Variants in ALKAL1 observed in about 807,000 individuals in gnomAD.
ALKAL1 encodes AUG-beta.
ALKAL1 carries 23 observed loss-of-function variants against 13.5 expected under a neutral mutation model. That is an observed-to-expected ratio of 1.70 (90% CI 1.23 to 2.41). The LOEUF is 2.41. Among genes scored for constraint, ALKAL1 ranks in the 30% most tolerant of loss-of-function variants. ALKAL1 has a pLI of 0.00. For synonymous variants in ALKAL1, 85 were observed against 77.7 expected, an observed-to-expected ratio of 1.09 and a Z score of -0.49; for missense variants, 181 against 178.4, an observed-to-expected ratio of 1.01 and a Z score of -0.08.
At chr8:52,541,203 C>T (rs1272353022) in intron 2 of ALKAL1, among the ~76,000 whole-genome samples, 2 of 152,124 alleles carry the variant, frequency 1.3e-5, no homozygotes, top group Non-Finnish European at 2.9e-5. Flanking sequence ...GGGCCTGGTG[C>T]AGTGGCTCAC....
chr8:52,538,543 G>A (rs1437158510), intron 3 of ALKAL1, 36 bp from the exon 4 acceptor site: 1 of 1,369,468 alleles, frequency 7.3e-7, no homozygotes, highest in Non-Finnish European at 1.0e-6. Context: ...TATATATAGA[G>A]TTACTAGAAA....
intron 1 of ALKAL1, among the ~76,000 whole-genome samples, chr8:52,557,813 A>C (rs768794687): frequency 1.3e-5 from 2 of 150,754 alleles, no homozygotes; most frequent in Admixed American, 6.6e-5. Context: ...AGCGAAACCC[A>C]TCTCTACTAA....
chr8:52,544,101 C>G (rs2150344663), intron 1 of ALKAL1, among the ~76,000 whole-genome samples: 1 of 152,060 alleles, frequency 6.6e-6, no homozygotes, highest in African/African-American at 2.4e-5. Context: ...GCGGTCTTGT[C>G]CCCCTGTACA....
At chr8:52,547,951 G>A (rs939853608) in intron 1 of ALKAL1, among the ~76,000 whole-genome samples, 4 of 152,078 alleles carry the variant, frequency 2.6e-5, no homozygotes, top group Non-Finnish European at 5.9e-5. Flanking sequence ...CAAAATTCAG[G>A]GTGTATTTTG....
Position 52,565,150 on chromosome 8 carries a change from C to T in ALKAL1, c.107G>A (p.Arg36His). 1 of 1,401,718 alleles carries T rather than the reference C, an allele frequency of 7.1e-7. No homozygotes were observed. Among genetic ancestry groups the T allele is most frequent in the Non-Finnish European group, 9.3e-7 (1 of 1,069,820 alleles). The allele number at this position is 1,401,718 out of a possible 1,614,324, so 86.8% of individuals were successfully genotyped here. Residue 36 changes from arginine to histidine, a missense_variant, in exon 1 of 5, where the codon CGC (arginine) becomes CAC (histidine). Transcript: ENST00000358543. ...HGRPRGRRGA[R>H]VTDKEPKPLL... is the part of the protein sequence containing the mutation. ...CGGCTTGGGCTCCTTATCCGTGACG[C>T]GCGCTCCCCTGCGCCCCCGGGGCCT...
intron 2 of ALKAL1, among the ~76,000 whole-genome samples, chr8:52,541,454 G>T (rs1265208256): frequency 6.6e-6 from 1 of 152,124 alleles, no homozygotes; most frequent in Non-Finnish European, 1.5e-5. Context: ...GAGTGATGGA[G>T]CCAGACCCTG....
At chr8:52,534,695 ACTCTGTGG>A in intron 4 of ALKAL1, 95 bp from the exon 5 acceptor site, 1 of 470,700 alleles carries the variant, frequency 2.1e-6, no homozygotes, top group East Asian at 3.3e-5. Context: ...TTGCTTAAAG[ACTCTGTGG>A]ACTCCTAATT....
chr8:52,542,262 C>T (rs529003287), intron 2 of ALKAL1, 130 bp downstream of exon 2: 247 of 607,580 alleles, frequency 4.1e-4, no homozygotes, highest in Non-Finnish European at 6.3e-4. Context: ...TAGTAGCATC[C>T]GTCCATCTCC....
chr8:52,557,177 T>C (rs989653885), intron 1 of ALKAL1, among the ~76,000 whole-genome samples: 3 of 152,192 alleles, frequency 2.0e-5, no homozygotes, highest in African/African-American at 7.2e-5. Flanking sequence ...GTCATGATGA[T>C]ATTCATCTTT....
At chr8:52,555,748 G>A (rs180678139) in intron 1 of ALKAL1, among the ~76,000 whole-genome samples, 19 of 152,250 alleles carry the variant, frequency 1.2e-4, no homozygotes, top group Admixed American at 5.2e-4. Context: ...ACCCTGCCGT[G>A]CCTTGGCTTT....
intron 1 of ALKAL1, among the ~76,000 whole-genome samples, chr8:52,554,267 T>A (rs867057570): frequency 6.6e-5 from 10 of 152,296 alleles, no homozygotes; most frequent in African/African-American, 2.4e-4. Flanking sequence ...CAAATAGATG[T>A]GCCACATTTC....
intron 1 of ALKAL1, among the ~76,000 whole-genome samples, chr8:52,553,043 T>C (rs1847444417): frequency 6.6e-6 from 1 of 152,172 alleles, no homozygotes; most frequent in South Asian, 2.1e-4. Context: ...ATTTCTAAAA[T>C]TGGACTATGG....
intron 1 of ALKAL1, among the ~76,000 whole-genome samples, chr8:52,558,347 CAAAAAA>C (rs398007812): frequency 5.3e-5 from 1 of 18,874 alleles, no homozygotes. Flanking sequence ...GACTCCATCT[CAAAAAA>C]AAAAAAAAAA....
intron 1 of ALKAL1, among the ~76,000 whole-genome samples, chr8:52,543,688 C>T (rs1302668706): frequency 2.0e-5 from 3 of 152,102 alleles, no homozygotes; most frequent in African/African-American, 4.8e-5. Context: ...TGCTCCAGCC[C>T]GAACATAGGT....
intron 1 of ALKAL1, among the ~76,000 whole-genome samples, chr8:52,549,839 G>A (rs932734356): frequency 6.6e-6 from 1 of 152,086 alleles, no homozygotes; most frequent in Non-Finnish European, 1.5e-5. Flanking sequence ...CTACTCGAGA[G>A]GCCGAGGCAG....
intron 1 of ALKAL1, among the ~76,000 whole-genome samples, chr8:52,558,532 T>C (rs1490565225): frequency 6.6e-6 from 1 of 152,038 alleles, no homozygotes; most frequent in Non-Finnish European, 1.5e-5. Flanking sequence ...TCTCTTGCCA[T>C]GTCCCTGCCC....
At chr8:52,558,728 T>TA (rs1847509875) in intron 1 of ALKAL1, among the ~76,000 whole-genome samples, 1 of 152,086 alleles carries the variant, frequency 6.6e-6, no homozygotes, top group Non-Finnish European at 1.5e-5. Flanking sequence ...AATGCCTAAT[T>TA]TAAAAAAAAT....
chr8:52,535,606 G>C (rs965340597), intron 4 of ALKAL1, among the ~76,000 whole-genome samples: 1 of 148,282 alleles, frequency 6.7e-6, no homozygotes, highest in Non-Finnish European at 1.5e-5. Flanking sequence ...AAAAAGCTTT[G>C]AGACAGGTAG....
chr8:52,551,568 CAA>C (rs1847431255), intron 1 of ALKAL1, among the ~76,000 whole-genome samples: 1 of 151,836 alleles, frequency 6.6e-6, no homozygotes, highest in African/African-American at 2.4e-5. Context: ...CTCAGCCTCC[CAA>C]AGAGTTGAGA....
Sources: allele counts gnomAD v4.1 joint callset (sites outside exome capture counted in the v4.1 genomes callset), GRCh38; gene constraint gnomAD v4.1.1; transcripts MANE v1.5; gene names NCBI Gene and HGNC (gene_info 2026-07-23, HGNC 2026-07-21).